The following GLMN variants were observed in gnomAD, a reference collection of about 807,000 sequenced individuals.
GLMN encodes glomulin.
GLMN carries 75 observed loss-of-function variants against 87.8 expected under a neutral mutation model. The ratio of observed to expected loss-of-function variants is 0.85; its 90% CI spans 0.71 to 1.04. The LOEUF (loss-of-function observed/expected upper bound fraction) is 1.04, where lower values mean the gene tolerates loss of function less well. GLMN is among the 50% of genes least tolerant of loss of function. The probability of loss-of-function intolerance (pLI) is 0.00; values close to 1 mark genes in which losing one functional copy is unlikely to be tolerated. For synonymous variants in GLMN, 206 were observed against 221.6 expected (o/e 0.93, Z 0.63); for missense variants, 588 against 658.8 (o/e 0.89, Z 1.18).
At chr1:92,255,336 TCAGA>T (rs2100816359) in intron 16 of GLMN, among the ~76,000 whole-genome samples, 1 of 152,214 alleles carries the variant, frequency 6.6e-6, no homozygotes, top group South Asian at 2.1e-4. Context: ...ACTGTCAATA[TCAGA>T]CAGATCAACA....
intron 18 of GLMN, 144 bp from the exon 19 acceptor site, chr1:92,246,790 G>A (rs1652725065): frequency 2.8e-6 from 2 of 707,690 alleles, no homozygotes; most frequent in African/African-American, 3.5e-5. Context: ...CTGTGCTTTG[G>A]GAGGCTGAGC....
At chr1:92,268,265 G>A in intron 9 of GLMN, 130 bp from the exon 10 acceptor site, 1 of 628,584 alleles carries the variant, frequency 1.6e-6, no homozygotes, top group East Asian at 2.8e-5. Flanking sequence ...GAGAAATTCT[G>A]TTGAAGAACT....
chr1:92,329,177 C>T, the GLMN span, among the ~76,000 whole-genome samples: 2 of 152,310 alleles, frequency 1.3e-5, no homozygotes, highest in Admixed American at 1.3e-4. Flanking sequence ...AGGATACAAG[C>T]TTGCTCTGGG....
At chr1:92,355,991 A>T in the GLMN span, among the ~76,000 whole-genome samples, 1,464 of 152,346 alleles carry the variant, frequency 9.6e-3, 22 homozygotes, top group African/African-American at 0.034. Flanking sequence ...TCTGCACATT[A>T]TAATAAAGGT....
intron 3 of GLMN, among the ~76,000 whole-genome samples, chr1:92,293,971 G>A (rs1420355098): frequency 6.6e-6 from 1 of 151,320 alleles, no homozygotes; most frequent in Non-Finnish European, 1.5e-5. Flanking sequence ...GGTAGTGGGA[G>A]GCAGGGAAGA....
intron 7 of GLMN, among the ~76,000 whole-genome samples, chr1:92,277,026 C>T (rs1185105284): frequency 6.6e-6 from 1 of 152,094 alleles, no homozygotes. Flanking sequence ...CCCAGTTATC[C>T]AAGCAAAAAC....
intron 7 of GLMN, among the ~76,000 whole-genome samples, chr1:92,285,618 A>C (rs1648660055): frequency 6.6e-6 from 1 of 152,204 alleles, no homozygotes; most frequent in Admixed American, 6.5e-5. Flanking sequence ...TATAATTGAA[A>C]AAGAAATCAC....
At chr1:92,324,306 G>C in the GLMN span, 1 of 1,614,032 alleles carries the variant, frequency 6.2e-7, no homozygotes, top group Non-Finnish European at 8.5e-7. Flanking sequence ...TAAATCTGAG[G>C]ATCAGGGAGT....
chr1:92,349,500 GATAGTCCAGGATA>G, the GLMN span, among the ~76,000 whole-genome samples: 6 of 152,124 alleles, frequency 3.9e-5, no homozygotes, highest in Non-Finnish European at 5.9e-5. Context: ...ACCAAAACAT[GATAGTCCAGGATA>G]ACATAAATAA....
the GLMN span, among the ~76,000 whole-genome samples, chr1:92,368,749 G>A: frequency 6.6e-6 from 1 of 152,180 alleles, no homozygotes. Flanking sequence ...ATAACAAATG[G>A]AGGGTACTTG....
Position 92,264,545 on chromosome 1 carries a change from T to C in GLMN, c.1299+9A>G, listed in dbSNP as rs958664960. On this transcript the variant is annotated intron_variant, in intron 14 of 18. Coordinates refer to ENST00000370360, the MANE Select transcript of GLMN (RefSeq NM_053274.3). ...AAATTGGTAATTGACACTTTGGCTA[T>C]GTTCTTACCTTTAATGACATGTCAA... 1.2e-5 allele frequency: 16 copies of C among 1,351,488 alleles called. No individual in the cohort carries two copies. The African/African-American group carries it at 1.4e-4, about 12-fold the overall frequency. 83.7% of individuals were successfully genotyped at this position (1,351,488 alleles called of 1,614,324 possible). A position where few individuals can be genotyped will look rare whatever the true frequency, so the allele number is the denominator to read the frequency against.
chr1:92,283,386 A>G (rs1013805547), intron 7 of GLMN, among the ~76,000 whole-genome samples: 12 of 152,254 alleles, frequency 7.9e-5, no homozygotes, highest in Admixed American at 5.9e-4. Context: ...TTATCTTAAT[A>G]GATGCAGAAA....
At chr1:92,345,063 T>G in the GLMN span, among the ~76,000 whole-genome samples, 1 of 152,190 alleles carries the variant, frequency 6.6e-6, no homozygotes, top group Non-Finnish European at 1.5e-5. Context: ...ACTGAACTTT[T>G]CTTTAATAAA....
the GLMN span, chr1:92,345,852 A>G: frequency 1.3e-6 from 2 of 1,584,688 alleles, no homozygotes; most frequent in Non-Finnish European, 1.7e-6. Context: ...TCAGGTTAAC[A>G]AATAGAAATA....
At chr1:92,314,167 C>T in the GLMN span, among the ~76,000 whole-genome samples, 1 of 152,134 alleles carries the variant, frequency 6.6e-6, no homozygotes, top group Non-Finnish European at 1.5e-5. Context: ...TGCGTACTGG[C>T]AAAATAGGCC....
upstream of GLMN, among the ~76,000 whole-genome samples, chr1:92,301,081 A>G (rs932478837): frequency 1.3e-5 from 2 of 152,230 alleles, no homozygotes; most frequent in African/African-American, 4.8e-5. Flanking sequence ...CCTGCGTGCT[A>G]AGTAGACATT....
Position 92,264,587 on chromosome 1 carries a change from T to C in GLMN, c.1266A>G (p.Gln422=), listed in dbSNP as rs202134222. The part of the protein sequence containing the change: ...NHSGVEAFII[Q]NIKNQIDMSL... ...ACATGTCAATTTGATTTTTGATATT[T>C]TGAATAATAAAAGCCTCCACACCTG... is the stretch of plus-strand genomic sequence containing the variant. The change falls in exon 14 of 19, where the codon CAA becomes CAG. Residue 422 remains glutamine, a synonymous_variant. Coordinates refer to ENST00000370360, the MANE Select transcript of GLMN (RefSeq NM_053274.3). 102 of 1,591,462 alleles carry C rather than the reference T, an allele frequency of 6.4e-5. No individual in the cohort carries two copies. Among genetic ancestry groups the C allele is most frequent in the Non-Finnish European group, 8.5e-5 (98 of 1,159,558 alleles).
chr1:92,365,390 G>GT, the GLMN span, among the ~76,000 whole-genome samples: 2 of 114,194 alleles, frequency 1.8e-5, no homozygotes, highest in South Asian at 4.4e-4. Context: ...ACATGGGGAG[G>GT]TTTTAAAAAA....
the GLMN span, among the ~76,000 whole-genome samples, chr1:92,321,378 A>T: frequency 2.0e-5 from 3 of 152,154 alleles, no homozygotes; most frequent in Non-Finnish European, 4.4e-5. Context: ...TATAGGCTAG[A>T]TTCTAACTAA....
Sources: gnomAD v4.1 joint callset for allele counts (sites outside exome capture counted in the v4.1 genomes callset) on GRCh38, gnomAD v4.1.1 for gene constraint, MANE v1.5 for transcripts, NCBI Gene and HGNC (gene_info 2026-07-23, HGNC 2026-07-21) for gene names.